Variants in DNAL1 observed in about 807,000 individuals in gnomAD.
DNAL1 encodes dynein axonemal light chain 1, also known as chromosome 14 open reading frame 168.
DNAL1 carries 17 observed loss-of-function variants against 29.4 expected under a neutral mutation model. The observed-to-expected ratio is 0.58, with a 90% confidence interval of 0.40 to 0.87. The LOEUF (loss-of-function observed/expected upper bound fraction) is 0.87, where lower values mean the gene tolerates loss of function less well. Among genes scored for constraint, DNAL1 ranks in the 40% least tolerant of loss-of-function variants. DNAL1 has a pLI of 0.00. For missense variants in DNAL1, 188 were observed against 214.1 expected, an observed-to-expected ratio of 0.88 and a Z score of 0.76; for synonymous variants, 78 against 76.3, an observed-to-expected ratio of 1.02 and a Z score of -0.12.
chr14:73,692,406 C>T (rs577570284), intron 7 of DNAL1, among the ~76,000 whole-genome samples: 2 of 151,998 alleles, frequency 1.3e-5, no homozygotes, highest in East Asian at 3.9e-4. Context: ...CACTTGAACC[C>T]GGGAGGCAGA....
At chr14:73,659,095 A>G in intron 3 of DNAL1, 139 bp downstream of exon 3, 2 of 568,900 alleles carry the variant, frequency 3.5e-6, no homozygotes, top group Non-Finnish European at 5.9e-6. Flanking sequence ...CTCTTTGGCA[A>G]GGTCAAACAT....
chr14:73,683,817 C>T (rs1891950718), intron 5 of DNAL1, among the ~76,000 whole-genome samples: 1 of 152,076 alleles, frequency 6.6e-6, no homozygotes, highest in African/African-American at 2.4e-5. Context: ...AAGCGATTCT[C>T]TTGCCTCTTC....
chr14:73,654,433 C>G (rs1891165958), intron 1 of DNAL1, among the ~76,000 whole-genome samples: 1 of 152,112 alleles, frequency 6.6e-6, no homozygotes, highest in African/African-American at 2.4e-5. Context: ...ATAGTTATTG[C>G]TTGAAAAGTT....
intron 4 of DNAL1, among the ~76,000 whole-genome samples, chr14:73,665,033 G>GTA (rs1212017001): frequency 2.0e-5 from 3 of 152,038 alleles, no homozygotes; most frequent in African/African-American, 4.8e-5. Flanking sequence ...GATTGAGTTA[G>GTA]TATATATATA....
rs144947792 is a variant in DNAL1 at position 73,663,394 on chromosome 14, T to C, written c.208+1352T>C. Among the ~76,000 whole-genome samples the C allele has an allele frequency of 8.3e-3, 1,267 of 152,034 alleles. 25 individuals carry two copies. Among genetic ancestry groups the C allele is most frequent in the African/African-American group, 0.029 (1,199 of 41,476 alleles). ...CTAATTTTTGTATTTTTAGTGGAGA[T>C]GGGGTTTCACCATGTTGGCCAGGCT... On this transcript the variant is annotated intron_variant, in intron 4 of 7. Transcript: ENST00000553645.
chr14:73,688,484 G>A (rs1398686637), intron 6 of DNAL1, among the ~76,000 whole-genome samples: 2 of 152,140 alleles, frequency 1.3e-5, no homozygotes, highest in Non-Finnish European at 2.9e-5. Flanking sequence ...ATAGCCAGGT[G>A]TGGTGGTACA....
chr14:73,687,206 G>T, intron 5 of DNAL1, 53 bp from the exon 6 acceptor site: 1 of 1,598,332 alleles, frequency 6.3e-7, no homozygotes, highest in Non-Finnish European at 8.5e-7. Flanking sequence ...TAAAGAAGAA[G>T]ACAGAAAGAA....
At chr14:73,688,173 T>G (rs1892068754) in intron 6 of DNAL1, among the ~76,000 whole-genome samples, 1 of 152,214 alleles carries the variant, frequency 6.6e-6, no homozygotes, top group Non-Finnish European at 1.5e-5. Context: ...CTTTGCTTTT[T>G]TATTGTATAT....
chr14:73,661,167 A>G (rs987651760), intron 3 of DNAL1, among the ~76,000 whole-genome samples: 1 of 150,530 alleles, frequency 6.6e-6, no homozygotes, highest in African/African-American at 2.5e-5. Flanking sequence ...CTGTCTAAAA[A>G]AAAAATATAT....
chr14:73,659,510 T>C (rs551249265), intron 3 of DNAL1: 2 of 152,134 alleles, frequency 1.3e-5, no homozygotes, highest in Non-Finnish European at 2.9e-5. Flanking sequence ...TTTGAAAATA[T>C]ACATCTCCTA....
At chr14:73,684,215 T>G (rs1363526931) in intron 5 of DNAL1, among the ~76,000 whole-genome samples, 2 of 152,344 alleles carry the variant, frequency 1.3e-5, no homozygotes, top group South Asian at 4.1e-4. Flanking sequence ...CTTAGGTTGA[T>G]TCCATATTTT....
intron 4 of DNAL1, among the ~76,000 whole-genome samples, chr14:73,663,923 C>T (rs1317867291): frequency 1.3e-5 from 2 of 152,204 alleles, no homozygotes; most frequent in East Asian, 3.8e-4. Flanking sequence ...TCCCCCTTAT[C>T]TATGTAGTTG....
At chr14:73,680,271 C>T (rs761233181) in intron 5 of DNAL1, among the ~76,000 whole-genome samples, 17 of 152,176 alleles carry the variant, frequency 1.1e-4, no homozygotes, top group Admixed American at 3.3e-4. Context: ...CCACGGCTGA[C>T]GGACACTTAG....
chr14:73,666,975 T>C (rs1439427034), intron 4 of DNAL1, among the ~76,000 whole-genome samples: 1 of 151,618 alleles, frequency 6.6e-6, no homozygotes, highest in Non-Finnish European at 1.5e-5. Context: ...TTTTTTTTCA[T>C]TTACTCCCTA....
At chr14:73,659,164 T>TC (rs1478974670) in intron 3 of DNAL1, among the ~76,000 whole-genome samples, 1 of 89,340 alleles carries the variant, frequency 1.1e-5, no homozygotes, top group African/African-American at 3.1e-5. Flanking sequence ...TAGTACAATT[T>TC]TTTTTTTTTT....
intron 4 of DNAL1, among the ~76,000 whole-genome samples, chr14:73,664,958 T>TG (rs1274163777): frequency 6.6e-6 from 1 of 152,166 alleles, no homozygotes. Flanking sequence ...ATTACTCCTT[T>TG]GGAAATATTC....
At chr14:73,670,729 A>G (rs1036301520) in intron 4 of DNAL1, among the ~76,000 whole-genome samples, 1 of 150,962 alleles carries the variant, frequency 6.6e-6, no homozygotes, top group Non-Finnish European at 1.5e-5. Flanking sequence ...TTTATTTTTT[A>G]TTTATTTTTA....
At chr14:73,688,643 T>C (rs1170131807) in intron 6 of DNAL1, among the ~76,000 whole-genome samples, 1 of 151,992 alleles carries the variant, frequency 6.6e-6, no homozygotes, top group Non-Finnish European at 1.5e-5. Flanking sequence ...AAAGCAAAAC[T>C]GTGTGATAAG....
intron 4 of DNAL1, among the ~76,000 whole-genome samples, chr14:73,665,169 A>G (rs897413121): frequency 6.6e-6 from 1 of 152,108 alleles, no homozygotes; most frequent in Non-Finnish European, 1.5e-5. Flanking sequence ...TCATCTTATT[A>G]ATCTTTTAAT....
Sources: gnomAD v4.1 joint callset for allele counts (sites outside exome capture counted in the v4.1 genomes callset) on GRCh38, gnomAD v4.1.1 for gene constraint, MANE v1.5 for transcripts, NCBI Gene and HGNC (gene_info 2026-07-23, HGNC 2026-07-21) for gene names.